Variants in NCAM2 observed in about 807,000 individuals in gnomAD.
NCAM2 encodes neural cell adhesion molecule 2.
In NCAM2, 30 loss-of-function variants were observed where a neutral mutation model predicts 98.1. The ratio of observed to expected loss-of-function variants is 0.31; its 90% CI spans 0.23 to 0.41. NCAM2 has a LOEUF of 0.41. NCAM2 is among the 10% of genes least tolerant of loss of function. The pLI is 1.00. For missense variants in NCAM2, 867 were observed against 1,005.8 expected (o/e 0.86, Z 1.87); for synonymous variants, 368 against 342.4 (o/e 1.07, Z -0.83).
At chr21:21,158,161 A>G (rs1424055581) in intron 1 of NCAM2, among the ~76,000 whole-genome samples, 1 of 152,238 alleles carries the variant, frequency 6.6e-6, no homozygotes, top group African/African-American at 2.4e-5. Context: ...AATTTTAAAA[A>G]GACAGACTAT....
intron 11 of NCAM2, among the ~76,000 whole-genome samples, chr21:21,429,362 CA>C (rs1185284594): frequency 1.3e-5 from 2 of 152,174 alleles, no homozygotes; most frequent in African/African-American, 4.8e-5. Flanking sequence ...ACCATATATT[CA>C]AAGATGGAAG....
At chr21:21,050,298 T>A (rs995687380) in intron 1 of NCAM2, among the ~76,000 whole-genome samples, 11 of 152,194 alleles carry the variant, frequency 7.2e-5, no homozygotes, top group Admixed American at 2.0e-4. Flanking sequence ...ACCCATGTAG[T>A]TCAAGTATGC....
At chr21:21,405,434 G>A (rs1342662945) in intron 9 of NCAM2, among the ~76,000 whole-genome samples, 2 of 151,986 alleles carry the variant, frequency 1.3e-5, no homozygotes. Flanking sequence ...CCTAACTTTG[G>A]CGAGGTCCAG....
At chr21:21,186,836 C>CA (rs901022096) in intron 1 of NCAM2, among the ~76,000 whole-genome samples, 13 of 151,924 alleles carry the variant, frequency 8.6e-5, no homozygotes, top group Admixed American at 7.9e-4. Context: ...TGCCTAAAAA[C>CA]AAAAATACGA....
intron 8 of NCAM2, among the ~76,000 whole-genome samples, chr21:21,357,785 C>A: frequency 6.6e-6 from 1 of 150,900 alleles, no homozygotes; most frequent in East Asian, 1.9e-4. Flanking sequence ...GATTCTAAGA[C>A]AAATAAAAAA....
At chr21:21,031,474 G>A (rs1053875412) in intron 1 of NCAM2, among the ~76,000 whole-genome samples, 8 of 152,122 alleles carry the variant, frequency 5.3e-5, no homozygotes, top group African/African-American at 1.9e-4. Flanking sequence ...CTAAGATAGA[G>A]ATTAGTGAGC....
chr21:21,457,176 G>T (rs1982272587), intron 12 of NCAM2, among the ~76,000 whole-genome samples: 1 of 148,282 alleles, frequency 6.7e-6, no homozygotes, highest in African/African-American at 2.5e-5. Flanking sequence ...TCTTGTGAGG[G>T]CCCACAAGGG....
chr21:21,258,778 A>T (rs1601789354), intron 1 of NCAM2, among the ~76,000 whole-genome samples: 2 of 151,896 alleles, frequency 1.3e-5, no homozygotes, highest in Non-Finnish European at 2.9e-5. Context: ...TCTCCCACAA[A>T]CATACCCACA....
chr21:21,230,961 C>A (rs1207160187), intron 1 of NCAM2, among the ~76,000 whole-genome samples: 3 of 151,284 alleles, frequency 2.0e-5, no homozygotes, highest in Admixed American at 1.3e-4. Context: ...GATATGTAGA[C>A]ACAATTTGGG....
intron 1 of NCAM2, among the ~76,000 whole-genome samples, chr21:21,053,971 A>G (rs1306724057): frequency 6.7e-6 from 1 of 150,104 alleles, no homozygotes; most frequent in Admixed American, 6.6e-5. Context: ...CTACATCTTT[A>G]TATAATTTGG....
rs1448637743 is a variant in NCAM2, at chr21:21,292,927, A to T, written c.619+686A>T. Among the ~76,000 whole-genome samples the T allele has an allele frequency of 2.0e-5, 3 of 152,076 alleles. No homozygotes were observed. In the East Asian group the frequency reaches 5.8e-4, roughly 30 times the overall value. Reference sequence around the variant, plus strand: ...TCAAGACACAATCATGGCAGAAGGCAGAGGAGAAGCAAAGGCATGTCTTAC... The same window carrying T: ...TCAAGACACAATCATGGCAGAAGGCTGAGGAGAAGCAAAGGCATGTCTTAC... On this transcript the variant is annotated intron_variant, in intron 5 of 17. Coordinates refer to ENST00000400546, the MANE Select transcript of NCAM2 (RefSeq NM_004540.5).
chr21:21,149,925 A>G (rs1040854568), intron 1 of NCAM2, among the ~76,000 whole-genome samples: 2 of 152,108 alleles, frequency 1.3e-5, no homozygotes, highest in East Asian at 1.9e-4. Context: ...CTTTGGGTAT[A>G]TAGCCCGTAA....
At chr21:21,373,062 A>T (rs535753769) in intron 8 of NCAM2, among the ~76,000 whole-genome samples, 4 of 151,982 alleles carry the variant, frequency 2.6e-5, no homozygotes, top group African/African-American at 9.6e-5. Flanking sequence ...CTTAACTCAT[A>T]GTAAATAATA....
intron 1 of NCAM2, among the ~76,000 whole-genome samples, chr21:21,279,589 C>G (rs2072856023): frequency 6.6e-6 from 1 of 152,132 alleles, no homozygotes; most frequent in Admixed American, 6.5e-5. Context: ...AAACTCCTGA[C>G]CTTGTGATCT....
intron 1 of NCAM2, among the ~76,000 whole-genome samples, chr21:21,265,413 TATATA>T (rs1343617802): frequency 1.1e-3 from 112 of 103,910 alleles, no homozygotes; most frequent in African/African-American, 4.3e-3. Context: ...TATATGTGTA[TATATA>T]ATATATGTGT....
At chr21:21,353,835 GA>G (rs1158495376) in intron 8 of NCAM2, among the ~76,000 whole-genome samples, 7 of 151,858 alleles carry the variant, frequency 4.6e-5, no homozygotes, top group Non-Finnish European at 1.0e-4. Flanking sequence ...ATTAAGGTAG[GA>G]AAAAAAGAAC....
At chr21:21,488,877 TTA>T (rs993190669) in intron 15 of NCAM2, among the ~76,000 whole-genome samples, 89 of 152,140 alleles carry the variant, frequency 5.8e-4, no homozygotes, top group African/African-American at 2.1e-3. Context: ...ATATGTAACT[TTA>T]TGTGTTTTAT....
intron 1 of NCAM2, among the ~76,000 whole-genome samples, chr21:21,200,366 A>G (rs1159243292): frequency 6.7e-6 from 1 of 150,076 alleles, no homozygotes; most frequent in Non-Finnish European, 1.5e-5. Flanking sequence ...GTCAACTCTC[A>G]GGAATGGGTT....
At chr21:21,472,867 G>A (rs943539439) in intron 14 of NCAM2, among the ~76,000 whole-genome samples, 1 of 151,658 alleles carries the variant, frequency 6.6e-6, no homozygotes, top group Non-Finnish European at 1.5e-5. Context: ...ACAAAGGCAA[G>A]TAGAATCTGT....
Sources: gnomAD v4.1 joint callset for allele counts (sites outside exome capture counted in the v4.1 genomes callset) on GRCh38, gnomAD v4.1.1 for gene constraint, MANE v1.5 for transcripts, NCBI Gene and HGNC (gene_info 2026-07-23, HGNC 2026-07-21) for gene names.